Variants in MMS19 observed in about 807,000 individuals in gnomAD.
MMS19 encodes the protein MMS19 cytosolic iron-sulfur assembly component.
A neutral mutation model predicts 129.8 loss-of-function variants in MMS19; 77 were observed. The ratio of observed to expected loss-of-function variants is 0.59; its 90% confidence interval spans 0.49 to 0.72. The LOEUF (loss-of-function observed/expected upper bound fraction) is 0.72, where lower values mean the gene tolerates loss of function less well. Among genes scored for constraint, MMS19 ranks in the 30% least tolerant of loss-of-function variants. The probability of loss-of-function intolerance (pLI) is 0.00; values close to 1 mark genes in which losing one functional copy is unlikely to be tolerated. For missense variants in MMS19, 1,168 were observed against 1,266.3 expected (o/e 0.92, Z 1.18); for synonymous variants, 491 against 502.8 (o/e 0.98, Z 0.31).
chr10:97,497,915 G>A (rs189045442), intron 1 of MMS19, among the ~76,000 whole-genome samples: 3 of 152,282 alleles, frequency 2.0e-5, no homozygotes, highest in Admixed American at 6.5e-5. Context: ...ATGGCTTCGT[G>A]GCGTGAGCAC....
At chr10:97,465,780 G>C (rs747703335) in intron 18 of MMS19, 25 bp downstream of exon 18, 2 of 1,603,564 alleles carry the variant, frequency 1.2e-6, no homozygotes, top group Middle Eastern at 1.7e-4. Context: ...AGCCCAGTCC[G>C]TTGGTGGTTA....
chr10:97,498,058 T>G (rs7915501), intron 1 of MMS19, among the ~76,000 whole-genome samples: 36,031 of 152,196 alleles, frequency 0.24, 4,579 homozygotes, highest in East Asian at 0.5. Flanking sequence ...TCCCTATAAT[T>G]GGCTACAGGG....
At position 97,495,663 on chromosome 10, in the gene MMS19, T is replaced by C. The variant is rs2039649771; in HGVS notation, c.112+2610A>G. Among the ~76,000 whole-genome samples, 3 of 152,366 alleles carry C rather than the reference T, an allele frequency of 2.0e-5. No individual in the cohort carries two copies. In the South Asian group the frequency reaches 6.2e-4, roughly 32 times the overall value. ...CCCTGGCTCAAGGATCTACAACAAC[T>C]CTTAGTACAGATAACAGGTCATTCA... is the stretch of plus-strand genomic sequence containing the variant. On this transcript the variant is annotated intron_variant, in intron 1 of 30. Coordinates refer to ENST00000438925, the MANE Select transcript of MMS19 (RefSeq NM_022362.5).
rs199987159 is a variant in MMS19 at position 97,464,029 on chromosome 10, T to C, written c.1757-16A>G. 14 of 1,608,372 alleles carry C rather than the reference T, an allele frequency of 8.7e-6. No homozygotes were observed. The East Asian group carries it at 2.2e-4, about 26-fold the overall frequency. On this transcript the variant is annotated splice_polypyrimidine_tract_variant and intron_variant, in intron 18 of 30. Transcript: ENST00000438925. ...ACCATATTCCCTGTTGATGAGAAAG[T>C]GTTCTCTGTAAGGTTTGCTTAAAAG...
In MMS19 at chr10:97,470,192, G is replaced by A. The variant is rs1347691563; in HGVS notation, c.783C>T (p.Pro261=). The A allele has an allele frequency of 2.5e-6, 4 of 1,606,386 alleles. No homozygotes were observed. Among genetic ancestry groups the A allele is most frequent in the Non-Finnish European group, 3.4e-6 (4 of 1,176,326 alleles). ...STPRFAEFLL[P]LLIEKVDSEV... ...CAGAATCCACTTTCTCAATCAACAG[G>A]GGCAGCAGAAACTGTGGGACAGAAG... The change falls in exon 10 of 31, where the codon CCC becomes CCT. Residue 261 remains proline, a synonymous_variant. Transcript: ENST00000438925.
rs765968476 is a variant in MMS19 at position 97,483,211 on chromosome 10, C to A, written c.161+892G>T. Among the ~76,000 whole-genome samples, 15 of 152,268 alleles carry A rather than the reference C, an allele frequency of 9.9e-5. 2 individuals are homozygous for A. Among genetic ancestry groups the A allele is most frequent in the Admixed American group, 4.6e-4 (7 of 15,292 alleles). On this transcript the variant is annotated intron_variant, in intron 2 of 30. Transcript: ENST00000438925. ...GGGACCACAGGCGCATGCCACCACG[C>A]CTAGCTAATTTTTTGTATTTTTGGT...
intron 1 of MMS19, among the ~76,000 whole-genome samples, chr10:97,484,583 T>C (rs182026721): frequency 1.8e-4 from 27 of 152,284 alleles, no homozygotes; most frequent in African/African-American, 5.3e-4. Flanking sequence ...TATAAACTTT[T>C]TCACTCATTT....
At chr10:97,488,174 G>A (rs181459845) in intron 1 of MMS19, among the ~76,000 whole-genome samples, 1 of 152,152 alleles carries the variant, frequency 6.6e-6, no homozygotes. Context: ...GGAACTACAA[G>A]TATGTACGAA....
At chr10:97,482,389 TG>T (rs2036958912) in intron 2 of MMS19, among the ~76,000 whole-genome samples, 1 of 152,148 alleles carries the variant, frequency 6.6e-6, no homozygotes, top group Admixed American at 6.5e-5. Flanking sequence ...TGCTGCAACA[TG>T]GATGAACCCC....
Position 97,470,909 on chromosome 10 carries a change from C to A in MMS19, c.685-48G>T, listed in dbSNP as rs754943359. 7 of 1,531,586 alleles carry A rather than the reference C, an allele frequency of 4.6e-6. No homozygotes were observed. The South Asian group carries it at 6.8e-5, about 15-fold the overall frequency. The allele number at this position is 1,531,586 out of a possible 1,614,324, so 94.9% of individuals were successfully genotyped here. On this transcript the variant is annotated intron_variant, in intron 8 of 30. Transcript: ENST00000438925. ...GGGTTTGTGTAACATTTCAGACCAC[C>A]TTGAACACAGGCTCGAACCTGGTAA... is the stretch of plus-strand genomic sequence containing the variant.
chr10:97,477,134 T>C lies in MMS19; in HGVS notation c.494-171A>G, dbSNP rs1226564459. 6 of 1,486,168 alleles carry C rather than the reference T, an allele frequency of 4.0e-6. No homozygotes were observed. In the East Asian group the frequency reaches 9.5e-5, roughly 23 times the overall value. The allele number at this position is 1,486,168 out of a possible 1,614,324, so 92.1% of individuals were successfully genotyped here. On this transcript the variant is annotated intron_variant, in intron 6 of 30. Coordinates refer to ENST00000438925, the MANE Select transcript of MMS19 (RefSeq NM_022362.5). The stretch of plus-strand genomic sequence containing the variant: ...GAAGAGATGTGCAACAATATACACA[T>C]TGCTGTGGAGGCAAGAATTTAAAAC...
rs200137148 is a variant in MMS19 at position 97,465,903 on chromosome 10, A to G, written c.1658T>C (p.Leu553Pro). Residue 553 changes from leucine (L) to proline (P), a missense_variant, in exon 18 of 31, where the codon CTG becomes CCG. By Grantham distance (98) the Leu-to-Pro change is moderately conservative. Transcript: ENST00000438925. Reference protein sequence around the residue: ...GDEPTQCSRHLCCLQALSAVS... With the variant: ...GDEPTQCSRHPCCLQALSAVS... Reference sequence around the variant, plus strand: ...AGCTGACAAGGCTTGCAGACAGCACAGATGCCGGGAGCATTGGGTGGGCTC... The same window carrying G: ...AGCTGACAAGGCTTGCAGACAGCACGGATGCCGGGAGCATTGGGTGGGCTC... The G allele has an allele frequency of 2.6e-4, 412 of 1,613,884 alleles. No homozygotes were observed. The highest frequency in any genetic ancestry group is 3.3e-4 in the Non-Finnish European group (394 of 1,179,896).
chr10:97,482,495 G>A (rs1479624894), intron 2 of MMS19, among the ~76,000 whole-genome samples: 2 of 152,056 alleles, frequency 1.3e-5, no homozygotes, highest in Non-Finnish European at 2.9e-5. Context: ...ATAGAAGACA[G>A]AAAGTAGATT....
intron 2 of MMS19, among the ~76,000 whole-genome samples, chr10:97,481,885 CTG>C (rs2036864098): frequency 6.6e-6 from 1 of 152,146 alleles, no homozygotes; most frequent in Non-Finnish European, 1.5e-5. Context: ...AAGTAGAAAA[CTG>C]TGCATTCAGG....
chr10:97,469,155 A>T, intron 11 of MMS19, 51 bp from the exon 12 acceptor site: 1 of 1,534,126 alleles, frequency 6.5e-7, no homozygotes, highest in Non-Finnish European at 8.7e-7. Context: ...ACCAGATGAG[A>T]CCCCACCAAT....
At chr10:97,487,408 T>A (rs751854085) in intron 1 of MMS19, among the ~76,000 whole-genome samples, 6 of 148,414 alleles carry the variant, frequency 4.0e-5, no homozygotes, top group Non-Finnish European at 7.4e-5. Flanking sequence ...AAGCTCCGCC[T>A]CCCGGGTTCA....
At chr10:97,479,421 C>T (rs550536432) in intron 3 of MMS19, among the ~76,000 whole-genome samples, 3 of 152,114 alleles carry the variant, frequency 2.0e-5, no homozygotes, top group Non-Finnish European at 2.9e-5. Flanking sequence ...GTTCCCCATT[C>T]GACGCCCCTT....
At chr10:97,464,192 T>C (rs1350058274) in intron 18 of MMS19, among the ~76,000 whole-genome samples, 179 bp from the exon 19 acceptor site, 1 of 152,234 alleles carries the variant, frequency 6.6e-6, no homozygotes, top group Non-Finnish European at 1.5e-5. Context: ...GACTTCATAG[T>C]TGAGACTTGC....
chr10:97,462,896 T>C, intron 19 of MMS19: 1 of 557,204 alleles, frequency 1.8e-6, no homozygotes. Flanking sequence ...CTGAGAACTC[T>C]GCACAGTCTT....
Sources: allele counts gnomAD v4.1 joint callset (sites outside exome capture counted in the v4.1 genomes callset), GRCh38; gene constraint gnomAD v4.1.1; transcripts MANE v1.5; gene names NCBI Gene and HGNC (gene_info 2026-07-23, HGNC 2026-07-21).